The following SCYL2 variants were observed in gnomAD, a reference collection of about 807,000 sequenced individuals.
SCYL2 encodes the protein SCY1 like pseudokinase 2, also known as SCY1-like protein 2.
In SCYL2, 36 loss-of-function variants were observed where a neutral mutation model predicts 100.4. The ratio of observed to expected loss-of-function variants is 0.36; its 90% confidence interval spans 0.27 to 0.47. The LOEUF is 0.47. Ranked by LOEUF, SCYL2 falls within the 20% of genes least tolerant of loss-of-function variation. The probability of loss-of-function intolerance (pLI) is 1.00; values close to 1 mark genes in which losing one functional copy is unlikely to be tolerated. For missense variants in SCYL2, 902 were observed against 1,083.9 expected, an observed-to-expected ratio of 0.83 and a Z score of 2.36; for synonymous variants, 330 against 359.2, an observed-to-expected ratio of 0.92 and a Z score of 0.92.
chr12:100,272,518 T>A (rs1255766204), intron 1 of SCYL2, among the ~76,000 whole-genome samples: 3 of 152,204 alleles, frequency 2.0e-5, no homozygotes, highest in Non-Finnish European at 4.4e-5. Flanking sequence ...CAATTTTTAC[T>A]TTCAGTCTGG....
intron 10 of SCYL2, among the ~76,000 whole-genome samples, chr12:100,319,690 T>G (rs1340493753): frequency 6.6e-6 from 1 of 152,154 alleles, no homozygotes; most frequent in African/African-American, 2.4e-5. Context: ...TGGCTAATTT[T>G]TTTTGTATTT....
rs570574314 is a variant in SCYL2 at position 100,322,229 on chromosome 12, C to T, written c.1396-1296C>T. Among the ~76,000 whole-genome samples, 385 of 149,938 alleles carry T rather than the reference C, an allele frequency of 2.6e-3. 3 individuals are homozygous for T. The highest frequency in any genetic ancestry group is 0.01 in the Middle Eastern group (3 of 288). The stretch of plus-strand genomic sequence containing the variant: ...CTACTAAAAAATACAAAAAATTAGC[C>T]GGGCGTGGTGGCGGGCGCCTGTAGT... On this transcript the variant is annotated intron_variant, in intron 10 of 17. Coordinates refer to ENST00000360820, the MANE Select transcript of SCYL2 (RefSeq NM_017988.6).
Position 100,339,000 on chromosome 12 carries a change from G to C in SCYL2, c.2618G>C (p.Gly873Ala). The change falls in exon 18 of 18, where the codon GGT becomes GCT. Residue 873 changes from glycine to alanine, a missense_variant. Coordinates refer to ENST00000360820, the MANE Select transcript of SCYL2 (RefSeq NM_017988.6). ...QWLNQFVPPQ[G>A]SPTMGSSVMG... Reference sequence around the variant, plus strand: ...CTTAATCAGTTTGTACCTCCTCAAGGTTCTCCAACTATGGGCAGTTCAGTA... The same window carrying C: ...CTTAATCAGTTTGTACCTCCTCAAGCTTCTCCAACTATGGGCAGTTCAGTA... The C allele has an allele frequency of 1.2e-6, 2 of 1,614,056 alleles. No homozygotes were observed.
intron 13 of SCYL2, among the ~76,000 whole-genome samples, chr12:100,332,916 A>C (rs1353418665): frequency 6.6e-6 from 1 of 151,744 alleles, no homozygotes; most frequent in Non-Finnish European, 1.5e-5. Context: ...TGGTCTCTCC[A>C]CGTTGCCCAG....
At chr12:100,290,939 G>T (rs2096309821) in intron 2 of SCYL2, among the ~76,000 whole-genome samples, 1 of 152,132 alleles carries the variant, frequency 6.6e-6, no homozygotes, top group African/African-American at 2.4e-5. Context: ...AGCTGTGAAT[G>T]ATTTCAAAGA....
chr12:100,293,170 T>G (rs2096312557), intron 3 of SCYL2, among the ~76,000 whole-genome samples: 1 of 150,914 alleles, frequency 6.6e-6, no homozygotes, highest in African/African-American at 2.4e-5. Context: ...TTGCCCAGGC[T>G]TGCCTTGGAC....
chr12:100,270,206 T>C (rs1466298202), intron 1 of SCYL2, among the ~76,000 whole-genome samples: 1 of 152,170 alleles, frequency 6.6e-6, no homozygotes, highest in East Asian at 1.9e-4. Flanking sequence ...CAGGAGGGTC[T>C]CGATCTCCTG....
At chr12:100,305,837 C>T (rs912759467) in intron 4 of SCYL2, among the ~76,000 whole-genome samples, 1 of 151,336 alleles carries the variant, frequency 6.6e-6, no homozygotes, top group Admixed American at 6.6e-5. Flanking sequence ...ACCACTGATC[C>T]CACAGAAATA....
Position 100,335,868 on chromosome 12 carries a change from G to A in SCYL2, c.1987G>A (p.Glu663Lys), listed in dbSNP as rs56237749. 14,924 of 1,613,090 alleles carry A rather than the reference G, an allele frequency of 9.3e-3. 113 individuals are homozygous for A. The highest frequency in any genetic ancestry group is 0.012 in the Non-Finnish European group (13,804 of 1,179,210). The change falls in exon 16 of 18, where the codon GAA becomes AAA. Residue 663 changes from glutamate to lysine, a missense_variant. Coordinates refer to ENST00000360820, the MANE Select transcript of SCYL2 (RefSeq NM_017988.6). Reference protein sequence around the residue: ...GADLLTGSESENKEDGLQNKH... With the variant: ...GADLLTGSESKNKEDGLQNKH... ...AGACCTTCTGACTGGCAGTGAGTCCGAAAATAAAGAGGACGGGTTACAGAA... is the reference window on the plus strand; with the variant it reads ...AGACCTTCTGACTGGCAGTGAGTCCAAAAATAAAGAGGACGGGTTACAGAA...
intron 1 of SCYL2, among the ~76,000 whole-genome samples, chr12:100,282,494 T>A (rs910317957): frequency 5.3e-5 from 8 of 151,546 alleles, no homozygotes; most frequent in African/African-American, 1.9e-4. Flanking sequence ...CCTGGCTAAT[T>A]TTTGTATTTT....
chr12:100,323,198 T>G (rs907030755), intron 10 of SCYL2, among the ~76,000 whole-genome samples: 4 of 152,148 alleles, frequency 2.6e-5, no homozygotes, highest in African/African-American at 9.7e-5. Flanking sequence ...GCAAAACTTA[T>G]GTGTTGTTAT....
At chr12:100,327,208 A>C (rs920065649) in intron 12 of SCYL2, 5 of 404,244 alleles carry the variant, frequency 1.2e-5, no homozygotes, top group African/African-American at 1.0e-4. Flanking sequence ...AGAGAGGTAA[A>C]ATAAGTGATT....
intron 1 of SCYL2, among the ~76,000 whole-genome samples, chr12:100,281,433 G>T (rs1019234648): frequency 1.3e-5 from 2 of 152,130 alleles, no homozygotes; most frequent in Non-Finnish European, 2.9e-5. Flanking sequence ...ATTTATGCCT[G>T]TAATCACAGC....
intron 2 of SCYL2, among the ~76,000 whole-genome samples, chr12:100,291,145 A>G (rs1455927544): frequency 3.3e-5 from 5 of 152,228 alleles, no homozygotes; most frequent in Non-Finnish European, 7.3e-5. Flanking sequence ...ATTTTGTAGT[A>G]TACTTCACGA....
At chr12:100,271,068 A>G (rs2096287091) in intron 1 of SCYL2, among the ~76,000 whole-genome samples, 1 of 152,136 alleles carries the variant, frequency 6.6e-6, no homozygotes, top group African/African-American at 2.4e-5. Context: ...AGCTGGTTTA[A>G]TCTTTGTTCT....
chr12:100,317,401 T>A (rs574927078), intron 9 of SCYL2, among the ~76,000 whole-genome samples: 153 of 152,312 alleles, frequency 1.0e-3, no homozygotes, highest in Non-Finnish European at 1.7e-3. Context: ...GAATTTTTTC[T>A]TATACTCCCT....
intron 1 of SCYL2, among the ~76,000 whole-genome samples, chr12:100,281,084 A>G (rs2096297897): frequency 8.1e-6 from 1 of 122,714 alleles, no homozygotes; most frequent in South Asian, 2.6e-4. Context: ...GCGGGAGTGC[A>G]GTGGTGCTTT....
chr12:100,298,091 C>T lies in SCYL2; in HGVS notation c.396C>T (p.Asn132=). The T allele has an allele frequency of 6.2e-7, 1 of 1,610,652 alleles. No homozygotes were observed. The highest frequency in any genetic ancestry group is 1.7e-4 in the Middle Eastern group (1 of 6,022). ...VFASLANVLG[N]WENLPSPISP... is the part of the protein sequence containing the mutation. ...CCAGTTTAGCCAATGTTCTTGGTAA[C>T]TGGGAAAATCTACCTTCCCCTATAT... The change falls in exon 4 of 18, where the codon AAC becomes AAT. Residue 132 remains asparagine, a synonymous_variant. Transcript: ENST00000360820.
chr12:100,278,269 A>T (rs1256439425), intron 1 of SCYL2, among the ~76,000 whole-genome samples: 1 of 151,900 alleles, frequency 6.6e-6, no homozygotes, highest in Non-Finnish European at 1.5e-5. Context: ...GTGCAATCAC[A>T]ACTCACTGCA....
Sources: allele counts gnomAD v4.1 joint callset (sites outside exome capture counted in the v4.1 genomes callset), GRCh38; gene constraint gnomAD v4.1.1; transcripts MANE v1.5; gene names NCBI Gene and HGNC (gene_info 2026-07-23, HGNC 2026-07-21).